The following CLSTN2 variants were observed in gnomAD, a reference collection of about 807,000 sequenced individuals.
CLSTN2 encodes the protein calsyntenin 2.
Under a neutral mutation model 101.2 loss-of-function variants are expected in CLSTN2, and 48 were observed. That is an observed-to-expected ratio of 0.47 (90% CI 0.38 to 0.60). The LOEUF is 0.60. Ranked by LOEUF, CLSTN2 falls within the 20% of genes least tolerant of loss-of-function variation. The probability of loss-of-function intolerance (pLI) is 0.00; values close to 1 mark genes in which losing one functional copy is unlikely to be tolerated. For missense variants in CLSTN2, 1,160 were observed against 1,238.2 expected (o/e 0.94, Z 0.95); for synonymous variants, 481 against 463.6 (o/e 1.04, Z -0.48).
intron 1 of CLSTN2, among the ~76,000 whole-genome samples, chr3:140,023,191 T>A (rs151012392): frequency 6.6e-6 from 1 of 151,732 alleles, no homozygotes; most frequent in Admixed American, 6.6e-5. Flanking sequence ...AGAGGAGAGG[T>A]TGTCTTGCAG....
chr3:140,306,852 T>G (rs985241018), intron 2 of CLSTN2, among the ~76,000 whole-genome samples: 25 of 52,512 alleles, frequency 4.8e-4, no homozygotes, highest in African/African-American at 1.6e-3. Flanking sequence ...TGTCTTTTTA[T>G]TATTATTATT....
intron 2 of CLSTN2, among the ~76,000 whole-genome samples, chr3:140,375,131 ATGTAGCTGAGGGGAAG>A (rs936920463): frequency 3.3e-5 from 5 of 152,088 alleles, no homozygotes; most frequent in African/African-American, 1.2e-4. Flanking sequence ...TTGAGGGGAG[ATGTAGCTGAGGGGAAG>A]TGTAGCTGAG....
intron 1 of CLSTN2, among the ~76,000 whole-genome samples, chr3:140,042,939 T>C (rs1382570425): frequency 6.6e-6 from 1 of 152,192 alleles, no homozygotes; most frequent in African/African-American, 2.4e-5. Flanking sequence ...GACATTTGGG[T>C]TGGTTCCACG....
At chr3:140,498,814 G>A (rs1397145930) in intron 8 of CLSTN2, among the ~76,000 whole-genome samples, 2 of 152,122 alleles carry the variant, frequency 1.3e-5, no homozygotes, top group Non-Finnish European at 2.9e-5. Context: ...GAATGTCTCA[G>A]GCCAAGTGTA....
At chr3:140,121,333 C>A (rs949429853) in intron 1 of CLSTN2, among the ~76,000 whole-genome samples, 4 of 152,114 alleles carry the variant, frequency 2.6e-5, no homozygotes, top group African/African-American at 4.8e-5. Flanking sequence ...TAGGGGAAAA[C>A]TTCCTGGGAT....
At chr3:140,155,949 TTC>T (rs748195885) in intron 1 of CLSTN2, among the ~76,000 whole-genome samples, 2 of 78,594 alleles carry the variant, frequency 2.5e-5, no homozygotes, top group Non-Finnish European at 6.7e-5. Context: ...TAGCCATGCT[TTC>T]TCTCATTTTT....
chr3:140,091,837 A>C (rs1261029747), intron 1 of CLSTN2, among the ~76,000 whole-genome samples: 1 of 152,172 alleles, frequency 6.6e-6, no homozygotes, highest in African/African-American at 2.4e-5. Flanking sequence ...GTTCGCTTTT[A>C]TTGCCTCACC....
At chr3:140,357,201 C>G (rs1488156167) in intron 2 of CLSTN2, among the ~76,000 whole-genome samples, 3 of 152,194 alleles carry the variant, frequency 2.0e-5, no homozygotes, top group South Asian at 2.1e-4. Flanking sequence ...AAGTGACTAA[C>G]AGATTTTCAT....
At chr3:140,424,636 CTTGTT>C (rs1244317251) in intron 5 of CLSTN2, among the ~76,000 whole-genome samples, 2 of 152,246 alleles carry the variant, frequency 1.3e-5, no homozygotes, top group Non-Finnish European at 2.9e-5. Flanking sequence ...TACTGGCTTG[CTTGTT>C]ACTTGCAGAT....
At chr3:140,438,431 TAAAAAAAAAAAA>T (rs60186664) in intron 5 of CLSTN2, among the ~76,000 whole-genome samples, 1 of 45,678 alleles carries the variant, frequency 2.2e-5, no homozygotes, top group Non-Finnish European at 3.2e-5. Context: ...GTCCTTTCAT[TAAAAAAAAAAAA>T]AAAAAAAAAA....
chr3:140,193,524 G>T (rs1163609261), intron 2 of CLSTN2, among the ~76,000 whole-genome samples: 2 of 151,424 alleles, frequency 1.3e-5, no homozygotes, highest in East Asian at 1.9e-4. Flanking sequence ...GTTTTTGTTT[G>T]TTTGTTTGTT....
intron 1 of CLSTN2, among the ~76,000 whole-genome samples, chr3:139,995,829 G>A (rs1166200529): frequency 2.6e-5 from 4 of 152,162 alleles, no homozygotes; most frequent in African/African-American, 7.2e-5. Context: ...ATAGATGGAA[G>A]TTTTGGAAAT....
At chr3:140,277,090 G>A (rs1441653252) in intron 2 of CLSTN2, among the ~76,000 whole-genome samples, 1 of 152,188 alleles carries the variant, frequency 6.6e-6, no homozygotes, top group Admixed American at 6.5e-5. Context: ...GACTGAGCAC[G>A]CTAAATTGGA....
At chr3:140,129,538 A>G (rs947834450) in intron 1 of CLSTN2, among the ~76,000 whole-genome samples, 2 of 152,132 alleles carry the variant, frequency 1.3e-5, no homozygotes, top group Non-Finnish European at 2.9e-5. Flanking sequence ...ATTGCATGCA[A>G]AGTGTCTAGT....
intron 8 of CLSTN2, among the ~76,000 whole-genome samples, chr3:140,495,738 T>A (rs113341995): frequency 0.1 from 15,893 of 152,248 alleles, 1,054 homozygotes; most frequent in Non-Finnish European, 0.15. Context: ...CCCCATTGCT[T>A]ATTTCTGCAA....
intron 1 of CLSTN2, among the ~76,000 whole-genome samples, chr3:140,080,938 G>A (rs142535676): frequency 5.9e-5 from 9 of 152,314 alleles, no homozygotes; most frequent in African/African-American, 1.4e-4. Flanking sequence ...TGCACTGTGA[G>A]AAGGCTGTGT....
At chr3:140,133,264 C>T (rs2009549645) in intron 1 of CLSTN2, among the ~76,000 whole-genome samples, 1 of 152,160 alleles carries the variant, frequency 6.6e-6, no homozygotes, top group Non-Finnish European at 1.5e-5. Context: ...GGGACCAAGC[C>T]ATTCGTGAGG....
intron 1 of CLSTN2, among the ~76,000 whole-genome samples, chr3:139,998,181 C>A (rs1560065609): frequency 6.6e-6 from 1 of 151,910 alleles, no homozygotes; most frequent in Non-Finnish European, 1.5e-5. Flanking sequence ...CAGAACAGAA[C>A]TTTGTGTGGA....
intron 1 of CLSTN2, among the ~76,000 whole-genome samples, chr3:139,978,931 G>A (rs940018761): frequency 1.3e-5 from 2 of 152,178 alleles, no homozygotes; most frequent in African/African-American, 4.8e-5. Flanking sequence ...TTGGCAACAA[G>A]CCCTGTAGAG....
Sources: allele counts gnomAD v4.1 joint callset (sites outside exome capture counted in the v4.1 genomes callset), GRCh38; gene constraint gnomAD v4.1.1; transcripts MANE v1.5; gene names NCBI Gene and HGNC (gene_info 2026-07-23, HGNC 2026-07-21).